NUDCD3: variants seen among roughly 807,000 people sequenced by gnomAD.
The protein encoded by NUDCD3 is nudC domain-containing protein 3.
NUDCD3 carries 13 observed loss-of-function variants against 39.7 expected under a neutral mutation model. The observed-to-expected ratio is 0.33, with a 90% CI of 0.21 to 0.52. NUDCD3 has a LOEUF of 0.52. NUDCD3 is among the 20% of genes least tolerant of loss of function. The pLI, the probability that NUDCD3 is intolerant of heterozygous loss-of-function variation, is 0.96. For synonymous variants in NUDCD3, 175 were observed against 172.4 expected (o/e 1.02, Z -0.12); for missense variants, 453 against 458.1 (o/e 0.99, Z 0.10).
In NUDCD3 at chr7:44,380,788, T is replaced by C. The variant is rs1798293085; in HGVS notation, c.*5223A>G. 1 of 152,244 alleles carries C rather than the reference T, an allele frequency of 6.6e-6. No homozygotes were observed. Among genetic ancestry groups the C allele is most frequent in the African/African-American group, 2.4e-5 (1 of 41,444 alleles). The allele number at this position is 152,244 out of a possible 1,614,324, so 9.4% of individuals were successfully genotyped here. ...AACCAGAGCAGCTTCCTAAACTCCC[T>C]AGTCCAGCAGAGGTTAGGGCTCGCT... On this transcript the variant is annotated 3_prime_UTR_variant, in exon 6 of 6. Coordinates refer to ENST00000355451, the MANE Select transcript of NUDCD3 (RefSeq NM_015332.4).
intron 4 of NUDCD3, among the ~76,000 whole-genome samples, chr7:44,397,982 CAT>C (rs765075854): frequency 1.9e-4 from 29 of 152,294 alleles, no homozygotes; most frequent in Admixed American, 1.1e-3. Flanking sequence ...GCTGGACACA[CAT>C]GTGTTCCACC....
rs114322187 is a variant in NUDCD3 at position 44,387,820 on chromosome 7, G to C, written c.976-1699C>G. ...AAAAGTGGAGAGCAGGCATTCCTGT[G>C]TGTCACCAAATTCACTCTTATGACC... is the stretch of plus-strand genomic sequence containing the variant. On this transcript the variant is annotated intron_variant, in intron 5 of 5. Transcript: ENST00000355451. Among the ~76,000 whole-genome samples the C allele has an allele frequency of 6.8e-3, 1,032 of 152,284 alleles. 11 individuals carry two copies. Among genetic ancestry groups the C allele is most frequent in the African/African-American group, 0.023 (975 of 41,554 alleles).
Position 44,388,514 on chromosome 7 carries a change from C to A in NUDCD3, c.976-2393G>T, listed in dbSNP as rs77828658. Reference sequence around the variant, plus strand: ...GGCTACAGTCACTAAGGACATTTTACATGAAACCTCTGCGTGTTGCAAGCC... The same window carrying A: ...GGCTACAGTCACTAAGGACATTTTAAATGAAACCTCTGCGTGTTGCAAGCC... On this transcript the variant is annotated intron_variant, in intron 5 of 5. Coordinates refer to ENST00000355451, the MANE Select transcript of NUDCD3 (RefSeq NM_015332.4). Among the ~76,000 whole-genome samples the A allele has an allele frequency of 2.0e-3, 299 of 152,382 alleles. 2 individuals carry two copies. Among genetic ancestry groups the A allele is most frequent in the African/African-American group, 6.8e-3 (283 of 41,598 alleles).
chr7:44,412,359 T>G (rs1449973852), intron 3 of NUDCD3, among the ~76,000 whole-genome samples: 1 of 152,258 alleles, frequency 6.6e-6, no homozygotes, highest in Non-Finnish European at 1.5e-5. Context: ...ACAATCTAGA[T>G]CATTTTATTA....
intron 3 of NUDCD3, among the ~76,000 whole-genome samples, chr7:44,411,859 G>A (rs1353512962): frequency 2.6e-5 from 4 of 152,372 alleles, no homozygotes; most frequent in African/African-American, 7.2e-5. Context: ...CCATGTATGG[G>A]TGGTAAAGGG....
intron 3 of NUDCD3, among the ~76,000 whole-genome samples, chr7:44,407,372 C>T (rs1798845716): frequency 1.3e-5 from 2 of 151,654 alleles, no homozygotes; most frequent in Admixed American, 6.6e-5. Context: ...TCGAGACCAG[C>T]CTGACCAACA....
intron 2 of NUDCD3, among the ~76,000 whole-genome samples, chr7:44,472,597 G>C (rs1206920054): frequency 6.6e-6 from 1 of 152,174 alleles, no homozygotes; most frequent in East Asian, 1.9e-4. Context: ...TTAAACACTA[G>C]TTCTACCAAG....
intron 2 of NUDCD3, among the ~76,000 whole-genome samples, chr7:44,441,829 G>A (rs1382401011): frequency 6.6e-6 from 1 of 152,092 alleles, no homozygotes; most frequent in East Asian, 1.9e-4. Flanking sequence ...AAGGCCCCTG[G>A]GAGGAGCTGG....
chr7:44,471,283 T>C (rs1199597456), intron 2 of NUDCD3, among the ~76,000 whole-genome samples: 1 of 152,280 alleles, frequency 6.6e-6, no homozygotes, highest in African/African-American at 2.4e-5. Context: ...TAATAGTTAA[T>C]ACAATGAAAA....
At chr7:44,463,981 C>T (rs1309308339) in intron 2 of NUDCD3, among the ~76,000 whole-genome samples, 1 of 151,778 alleles carries the variant, frequency 6.6e-6, no homozygotes, top group African/African-American at 2.4e-5. Flanking sequence ...TGGGAGGCTG[C>T]GGCAGGTGGA....
At chr7:44,412,396 T>C (rs1024639538) in intron 3 of NUDCD3, among the ~76,000 whole-genome samples, 1 of 152,254 alleles carries the variant, frequency 6.6e-6, no homozygotes, top group African/African-American at 2.4e-5. Context: ...AGTGTCCATT[T>C]TCAGCTTCAG....
At chr7:44,452,671 T>C (rs535258274) in intron 2 of NUDCD3, among the ~76,000 whole-genome samples, 325 of 152,300 alleles carry the variant, frequency 2.1e-3, no homozygotes, top group Non-Finnish European at 3.9e-3. Context: ...AGATCACTCA[T>C]TTGTGATGAG....
intron 5 of NUDCD3, among the ~76,000 whole-genome samples, chr7:44,388,299 C>T (rs1477427886): frequency 1.3e-5 from 2 of 152,200 alleles, no homozygotes; most frequent in Non-Finnish European, 2.9e-5. Flanking sequence ...CCATTTTCCA[C>T]TCTCTCTCCT....
intron 2 of NUDCD3, among the ~76,000 whole-genome samples, chr7:44,437,063 T>C (rs897545531): frequency 2.7e-5 from 4 of 148,182 alleles, no homozygotes; most frequent in Admixed American, 2.0e-4. Context: ...CTTTTTCTTT[T>C]CTTTTCTTTT....
intron 2 of NUDCD3, among the ~76,000 whole-genome samples, chr7:44,465,593 G>GA (rs1385142716): frequency 6.6e-6 from 1 of 152,140 alleles, no homozygotes; most frequent in Non-Finnish European, 1.5e-5. Context: ...AACCAAAAAA[G>GA]AAAAAAGTAA....
At chr7:44,407,565 T>TC (rs1452835523) in intron 3 of NUDCD3, among the ~76,000 whole-genome samples, 1 of 81,750 alleles carries the variant, frequency 1.2e-5, no homozygotes, top group Non-Finnish European at 2.2e-5. Flanking sequence ...AAATTCTGTC[T>TC]CAAAAAAAAA....
At chr7:44,483,556 A>G (rs1800539428) in intron 2 of NUDCD3, among the ~76,000 whole-genome samples, 1 of 152,192 alleles carries the variant, frequency 6.6e-6, no homozygotes, top group Admixed American at 6.5e-5. Context: ...CTTCTCATCC[A>G]GAGCTCCATA....
At chr7:44,401,848 C>T (rs547135198) in intron 4 of NUDCD3, among the ~76,000 whole-genome samples, 79 of 152,278 alleles carry the variant, frequency 5.2e-4, no homozygotes, top group African/African-American at 1.8e-3. Flanking sequence ...ACAGGCCTGC[C>T]GGGATTGTGC....
chr7:44,416,784 A>C (rs1344841630), intron 3 of NUDCD3, among the ~76,000 whole-genome samples: 4 of 152,200 alleles, frequency 2.6e-5, no homozygotes, highest in African/African-American at 9.7e-5. Context: ...ACCAAACTTC[A>C]CCTTCGACCC....
Sources: allele counts gnomAD v4.1 joint callset (sites outside exome capture counted in the v4.1 genomes callset), GRCh38; gene constraint gnomAD v4.1.1; transcripts MANE v1.5; gene names NCBI Gene and HGNC (gene_info 2026-07-23, HGNC 2026-07-21).